SVEP1: variants seen among roughly 807,000 people sequenced by gnomAD.
The protein encoded by SVEP1 is sushi, von Willebrand factor type A, EGF and pentraxin domain containing 1.
Under a neutral mutation model 367.3 loss-of-function variants are expected in SVEP1, and 164 were observed. The ratio of observed to expected loss-of-function variants is 0.45; its 90% confidence interval spans 0.39 to 0.51. SVEP1 has a LOEUF of 0.51. Among genes scored for constraint, SVEP1 ranks in the 20% least tolerant of loss-of-function variants. The pLI is 0.00. For synonymous variants in SVEP1, 1,666 were observed against 1,611.6 expected (o/e 1.03, Z -0.81); for missense variants, 4,117 against 4,425.3 (o/e 0.93, Z 1.98).
intron 43 of SVEP1, among the ~76,000 whole-genome samples, chr9:110,382,552 ATCT>A (rs1349990436): frequency 6.6e-6 from 1 of 151,948 alleles, no homozygotes; most frequent in Admixed American, 6.6e-5. Flanking sequence ...CTTGGGGTTG[ATCT>A]TCTCATGGAG....
At chr9:110,412,860 A>G (rs1828064185) in intron 36 of SVEP1, among the ~76,000 whole-genome samples, 1 of 152,206 alleles carries the variant, frequency 6.6e-6, no homozygotes. Flanking sequence ...CACGGCAGTT[A>G]GAATGGCAAT....
In SVEP1 at chr9:110,408,547, T is replaced by C. The variant is rs1250124278; in HGVS notation, c.7053A>G (p.Glu2351=). The change falls in exon 38 of 48, where the codon GAA becomes GAG. Residue 2351 remains glutamate, a synonymous_variant. Coordinates refer to ENST00000374469, the MANE Select transcript of SVEP1 (RefSeq NM_153366.4). ...CAGAGGGGCCTTGCAGGACATGCCC[T>C]TCTTTACAGGAAAATGTCACAACTC... ...EVGVVTFSCK[E]GHVLQGPSVL... The C allele has an allele frequency of 6.2e-7, 1 of 1,613,960 alleles. No individual in the cohort carries two copies.
chr9:110,553,036 A>C (rs964629517), intron 1 of SVEP1, among the ~76,000 whole-genome samples: 2 of 152,204 alleles, frequency 1.3e-5, no homozygotes, highest in Non-Finnish European at 2.9e-5. Context: ...TGGAAGCCGC[A>C]GGAGATAGCT....
chr9:110,459,160 C>A (rs1422766742), intron 18 of SVEP1, 47 bp from the exon 19 acceptor site: 2 of 1,563,758 alleles, frequency 1.3e-6, no homozygotes, highest in Admixed American at 1.7e-5. Flanking sequence ...GTAACACACC[C>A]TACATTTGAA....
chr9:110,495,607 G>C (rs1052782519), intron 8 of SVEP1, among the ~76,000 whole-genome samples: 1 of 151,924 alleles, frequency 6.6e-6, no homozygotes, highest in African/African-American at 2.4e-5. Flanking sequence ...GTTGCGCTCT[G>C]CATCCCCCCC....
intron 39 of SVEP1, 101 bp downstream of exon 39, chr9:110,404,226 C>A: frequency 8.5e-7 from 1 of 1,172,812 alleles, no homozygotes. Flanking sequence ...GTGAAAACTT[C>A]AGACTTTTTT....
At chr9:110,513,140 T>G (rs372379620) in intron 4 of SVEP1, 35 bp from the exon 5 acceptor site, 1 of 1,577,558 alleles carries the variant, frequency 6.3e-7, no homozygotes, top group Admixed American at 1.8e-5. Flanking sequence ...AAAAGCAAAG[T>G]TAGCCTTTTG....
intron 43 of SVEP1, among the ~76,000 whole-genome samples, chr9:110,384,888 G>T (rs1827497365): frequency 6.6e-6 from 1 of 152,198 alleles, no homozygotes; most frequent in Non-Finnish European, 1.5e-5. Flanking sequence ...CCTCTGGTCG[G>T]ACTCAATGAA....
chr9:110,578,437 T>C (rs1830651767), intron 1 of SVEP1, among the ~76,000 whole-genome samples: 1 of 152,154 alleles, frequency 6.6e-6, no homozygotes. Context: ...ATGTGTTAGA[T>C]ATTTCTATAT....
chr9:110,486,019 G>C (rs1375478008), intron 9 of SVEP1, among the ~76,000 whole-genome samples: 1 of 152,130 alleles, frequency 6.6e-6, no homozygotes, highest in Non-Finnish European at 1.5e-5. Context: ...CTGTAGACCA[G>C]TAAACTCTGT....
At chr9:110,460,666 T>G (rs947626513) in intron 18 of SVEP1, among the ~76,000 whole-genome samples, 1 of 151,936 alleles carries the variant, frequency 6.6e-6, no homozygotes, top group Non-Finnish European at 1.5e-5. Flanking sequence ...GCAGGAGAAT[T>G]GCTTGAACCC....
intron 46 of SVEP1, 66 bp downstream of exon 46, chr9:110,375,302 C>T: frequency 3.6e-6 from 5 of 1,398,792 alleles, no homozygotes; most frequent in Non-Finnish European, 4.9e-6. Flanking sequence ...AAGTCACACT[C>T]TTCAATGTCC....
intron 16 of SVEP1, among the ~76,000 whole-genome samples, chr9:110,469,873 T>C (rs78069386): frequency 0.028 from 4,194 of 152,258 alleles, 65 homozygotes; most frequent in Middle Eastern, 0.058. Flanking sequence ...TGATTCCTAA[T>C]TTTTACTCAC....
intron 36 of SVEP1, among the ~76,000 whole-genome samples, chr9:110,415,425 G>A (rs1007822183): frequency 6.6e-6 from 1 of 152,020 alleles, no homozygotes; most frequent in African/African-American, 2.4e-5. Context: ...TCTGTGCTAG[G>A]CAGCCCCAAG....
At chr9:110,405,796 T>C (rs982264344) in intron 38 of SVEP1, among the ~76,000 whole-genome samples, 2 of 152,200 alleles carry the variant, frequency 1.3e-5, no homozygotes, top group African/African-American at 4.8e-5. Flanking sequence ...CATGTGTCAA[T>C]ATAATCACAA....
chr9:110,390,324 C>T lies in SVEP1; in HGVS notation c.9823-737G>A, dbSNP rs867079043. On this transcript the variant is annotated intron_variant, in intron 40 of 47. Transcript: ENST00000374469. ...ACTTATATAAGTATGTGTATATATA[C>T]TTATATATACACATACTTATATACA... Among the ~76,000 whole-genome samples, 39 of 70,218 alleles carry T rather than the reference C, an allele frequency of 5.6e-4. 3 individuals are homozygous for T. Among genetic ancestry groups the T allele is most frequent in the East Asian group, 2.7e-3 (5 of 1,880 alleles). 46.1% of individuals were successfully genotyped at this position (70,218 alleles called of 152,430 possible). A position where few individuals can be genotyped will look rare whatever the true frequency, so the allele number is the denominator to read the frequency against.
At chr9:110,454,811 G>T (rs1828752577) in intron 22 of SVEP1, among the ~76,000 whole-genome samples, 1 of 152,110 alleles carries the variant, frequency 6.6e-6, no homozygotes, top group Non-Finnish European at 1.5e-5. Context: ...TATTAGAGGG[G>T]AGAAGAAAGG....
chr9:110,520,480 C>T (rs909265452), intron 3 of SVEP1, among the ~76,000 whole-genome samples: 4 of 152,098 alleles, frequency 2.6e-5, no homozygotes, highest in Non-Finnish European at 4.4e-5. Context: ...TTTTCAGAAA[C>T]ATCTTGGCGG....
At position 110,479,546 on chromosome 9, in the gene SVEP1, T is replaced by C. The variant is rs547584159; in HGVS notation, c.2487+89A>G. On this transcript the variant is annotated intron_variant, in intron 13 of 47. Transcript: ENST00000374469. ...GTCTGGATCACAAAGAAGAGGGAAA[T>C]AGGATGAGAAATCGCAGTTGTAAAT... 16 of 1,419,018 alleles carry C rather than the reference T, an allele frequency of 1.1e-5. No individual in the cohort carries two copies. The East Asian group carries it at 3.5e-4, about 31-fold the overall frequency. The allele number at this position is 1,419,018 out of a possible 1,614,324, so 87.9% of individuals were successfully genotyped here. A position where few individuals can be genotyped will look rare whatever the true frequency, so the allele number is the denominator to read the frequency against.
Sources: gnomAD v4.1 joint callset for allele counts (sites outside exome capture counted in the v4.1 genomes callset) on GRCh38, gnomAD v4.1.1 for gene constraint, MANE v1.5 for transcripts, NCBI Gene and HGNC (gene_info 2026-07-23, HGNC 2026-07-21) for gene names.